The following MSI2 variants were observed in gnomAD, a reference collection of about 807,000 sequenced individuals.
MSI2 encodes the protein musashi RNA binding protein 2, also known as RNA-binding protein Musashi homolog 2.
MSI2 carries 17 observed loss-of-function variants against 45.6 expected under a neutral mutation model. The ratio of observed to expected loss-of-function variants is 0.37; its 90% confidence interval spans 0.26 to 0.56. The LOEUF is 0.56. Among genes scored for constraint, MSI2 ranks in the 20% least tolerant of loss-of-function variants. The probability of loss-of-function intolerance (pLI) is 0.77; values close to 1 mark genes in which losing one functional copy is unlikely to be tolerated. For missense variants in MSI2, 293 were observed against 444.2 expected, an observed-to-expected ratio of 0.66 and a Z score of 3.06; for synonymous variants, 156 against 158.2, an observed-to-expected ratio of 0.99 and a Z score of 0.11.
chr17:57,469,635 C>T (rs753654935), intron 6 of MSI2, among the ~76,000 whole-genome samples: 2 of 152,226 alleles, frequency 1.3e-5, no homozygotes, highest in Non-Finnish European at 2.9e-5. Context: ...TGTGAACCTC[C>T]TCTATCCAGA....
chr17:57,257,778 T>C (rs1906936250), intron 3 of MSI2, among the ~76,000 whole-genome samples: 1 of 152,098 alleles, frequency 6.6e-6, no homozygotes, highest in Non-Finnish European at 1.5e-5. Context: ...TTTAAGTCAT[T>C]TTCCCGTCGC....
intron 11 of MSI2, among the ~76,000 whole-genome samples, chr17:57,657,223 A>G (rs1287937323): frequency 1.3e-5 from 2 of 152,206 alleles, no homozygotes; most frequent in African/African-American, 2.4e-5. Flanking sequence ...CAAGGATTGA[A>G]TGTGAGTAAG....
At chr17:57,544,314 CT>C (rs1451644362) in intron 7 of MSI2, among the ~76,000 whole-genome samples, 1 of 152,186 alleles carries the variant, frequency 6.6e-6, no homozygotes, top group Non-Finnish European at 1.5e-5. Context: ...TTAAAATCCC[CT>C]GATAAGGCCT....
chr17:57,558,977 A>T (rs1032354031), intron 7 of MSI2, among the ~76,000 whole-genome samples: 1 of 152,104 alleles, frequency 6.6e-6, no homozygotes, highest in Non-Finnish European at 1.5e-5. Context: ...CGGGAGAATC[A>T]CTTGAACCCA....
chr17:57,565,551 G>A (rs966102560), intron 7 of MSI2, among the ~76,000 whole-genome samples: 3 of 152,154 alleles, frequency 2.0e-5, no homozygotes, highest in Non-Finnish European at 4.4e-5. Context: ...CCTTCCTTTT[G>A]TCCTGCTCCA....
chr17:57,698,902 TG>T, the MSI2 span, among the ~76,000 whole-genome samples: 1 of 125,900 alleles, frequency 7.9e-6, no homozygotes, highest in South Asian at 2.4e-4. Flanking sequence ...AGTGTGTGTG[TG>T]TGTGTGTGTG....
At chr17:57,294,568 T>G (rs1910760302) in intron 5 of MSI2, 1 of 152,212 alleles carries the variant, frequency 6.6e-6, no homozygotes, top group African/African-American at 2.4e-5. Context: ...GTCTAGAACT[T>G]GATTGGTAAC....
intron 5 of MSI2, among the ~76,000 whole-genome samples, chr17:57,373,736 G>A (rs1323485212): frequency 1.3e-5 from 2 of 152,164 alleles, no homozygotes; most frequent in African/African-American, 4.8e-5. Context: ...CCCATCCGAA[G>A]GCCTCCATGG....
intron 5 of MSI2, among the ~76,000 whole-genome samples, chr17:57,321,149 C>T (rs757725156): frequency 6.6e-6 from 1 of 151,808 alleles, no homozygotes; most frequent in Non-Finnish European, 1.5e-5. Context: ...ACTCTGAGTA[C>T]CCCTAAACCC....
At chr17:57,473,093 A>G (rs2085471377) in intron 6 of MSI2, among the ~76,000 whole-genome samples, 1 of 152,076 alleles carries the variant, frequency 6.6e-6, no homozygotes, top group African/African-American at 2.4e-5. Flanking sequence ...GGGTTTCACC[A>G]TGTTGGCCAG....
intron 6 of MSI2, among the ~76,000 whole-genome samples, chr17:57,488,771 C>T (rs906753026): frequency 6.6e-6 from 1 of 151,904 alleles, no homozygotes; most frequent in Admixed American, 6.5e-5. Context: ...TTGCAGCGAG[C>T]CGAGATCGCG....
intron 5 of MSI2, among the ~76,000 whole-genome samples, chr17:57,317,900 G>A (rs921541617): frequency 6.6e-6 from 1 of 152,136 alleles, no homozygotes; most frequent in African/African-American, 2.4e-5. Flanking sequence ...TGTAATCCCG[G>A]CACTTTGGGA....
At chr17:57,329,840 C>T (rs977678670) in intron 5 of MSI2, among the ~76,000 whole-genome samples, 6 of 152,218 alleles carry the variant, frequency 3.9e-5, no homozygotes, top group East Asian at 3.9e-4. Flanking sequence ...ACTGCCTGTC[C>T]GCCTGTTAAT....
chr17:57,354,100 T>C (rs968162074), intron 5 of MSI2, among the ~76,000 whole-genome samples: 1 of 152,232 alleles, frequency 6.6e-6, no homozygotes, highest in Non-Finnish European at 1.5e-5. Flanking sequence ...CATAACATTT[T>C]GCTGAATTGG....
intron 6 of MSI2, among the ~76,000 whole-genome samples, chr17:57,404,795 A>G (rs1381826094): frequency 1.3e-5 from 2 of 152,088 alleles, no homozygotes; most frequent in East Asian, 1.9e-4. Context: ...AGAGTGACAC[A>G]CCGGGAGCTT....
chr17:57,432,921 CTGTGT>C (rs1225509175), intron 6 of MSI2, among the ~76,000 whole-genome samples: 1 of 152,210 alleles, frequency 6.6e-6, no homozygotes, highest in Non-Finnish European at 1.5e-5. Context: ...TTGCTCCAAC[CTGTGT>C]TGCCCTTTGC....
chr17:57,341,233 A>G (rs1282224141), intron 5 of MSI2, among the ~76,000 whole-genome samples: 1 of 152,224 alleles, frequency 6.6e-6, no homozygotes, highest in Non-Finnish European at 1.5e-5. Context: ...AGCATCACCT[A>G]GGAACGTGTC....
At chr17:57,339,752 C>G (rs1914979184) in intron 5 of MSI2, among the ~76,000 whole-genome samples, 1 of 152,176 alleles carries the variant, frequency 6.6e-6, no homozygotes, top group African/African-American at 2.4e-5. Context: ...GCTTCTGTGT[C>G]TCCACCCGTG....
chr17:57,389,380 C>G (rs558207019), intron 5 of MSI2, among the ~76,000 whole-genome samples: 1 of 152,296 alleles, frequency 6.6e-6, no homozygotes, highest in African/African-American at 2.4e-5. Context: ...TCCTTGCATC[C>G]CACAATGTCT....
Sources: allele counts gnomAD v4.1 joint callset (sites outside exome capture counted in the v4.1 genomes callset), GRCh38; gene constraint gnomAD v4.1.1; transcripts MANE v1.5; gene names NCBI Gene and HGNC (gene_info 2026-07-23, HGNC 2026-07-21).